The following MPZL1 variants were observed in gnomAD, a reference collection of about 807,000 sequenced individuals.
MPZL1 encodes the protein myelin protein zero like 1.
MPZL1 carries 16 observed loss-of-function variants against 29.3 expected under a neutral mutation model. The ratio of observed to expected loss-of-function variants is 0.55; its 90% CI spans 0.37 to 0.83. The LOEUF (loss-of-function observed/expected upper bound fraction) is 0.83, where lower values mean the gene tolerates loss of function less well. Among genes scored for constraint, MPZL1 ranks in the 40% least tolerant of loss-of-function variants. The pLI is 0.00. For synonymous variants in MPZL1, 143 were observed against 132.0 expected, an observed-to-expected ratio of 1.08 and a Z score of -0.57; for missense variants, 279 against 332.9, an observed-to-expected ratio of 0.84 and a Z score of 1.26.
intron 5 of MPZL1, among the ~76,000 whole-genome samples, chr1:167,779,911 G>A (rs992807821): frequency 6.6e-6 from 1 of 152,218 alleles, no homozygotes; most frequent in Non-Finnish European, 1.5e-5. Context: ...GGTAAATGCG[G>A]ATGGTAATAA....
intron 1 of MPZL1, among the ~76,000 whole-genome samples, chr1:167,723,096 C>G (rs1209347952): frequency 2.0e-5 from 3 of 152,230 alleles, no homozygotes; most frequent in Admixed American, 2.0e-4. Flanking sequence ...GTATCTGCCA[C>G]AGGACTTTTC....
intron 1 of MPZL1, among the ~76,000 whole-genome samples, chr1:167,756,427 AGAT>A (rs1309497648): frequency 8.0e-6 from 1 of 125,696 alleles, no homozygotes; most frequent in African/African-American, 3.0e-5. Context: ...TTGTCTGGCC[AGAT>A]TTTTTTTTTT....
intron 5 of MPZL1, among the ~76,000 whole-genome samples, chr1:167,780,431 A>T (rs765706852): frequency 3.3e-5 from 5 of 152,230 alleles, no homozygotes; most frequent in Non-Finnish European, 5.9e-5. Context: ...TCTTGAAGAG[A>T]TATTTGTACA....
intron 5 of MPZL1, among the ~76,000 whole-genome samples, chr1:167,783,185 G>A (rs1332742754): frequency 6.6e-6 from 1 of 152,154 alleles, no homozygotes; most frequent in East Asian, 1.9e-4. Flanking sequence ...GCAGAGGAAG[G>A]TAGGGTCATC....
intron 1 of MPZL1, among the ~76,000 whole-genome samples, chr1:167,736,286 C>T (rs1468879984): frequency 6.6e-6 from 1 of 152,170 alleles, no homozygotes; most frequent in Non-Finnish European, 1.5e-5. Context: ...CCATTTTTGT[C>T]TGTTTGTTGA....
At chr1:167,747,614 CT>C (rs1660672067) in intron 1 of MPZL1, among the ~76,000 whole-genome samples, 1 of 152,206 alleles carries the variant, frequency 6.6e-6, no homozygotes, top group African/African-American at 2.4e-5. Flanking sequence ...TCCTAGTCCC[CT>C]GTCCCTTTGC....
At chr1:167,760,303 C>T (rs1396453218) in intron 1 of MPZL1, among the ~76,000 whole-genome samples, 4 of 152,192 alleles carry the variant, frequency 2.6e-5, no homozygotes, top group Admixed American at 6.5e-5. Flanking sequence ...CCCGGGTTCA[C>T]GCCATTCTCC....
intron 5 of MPZL1, among the ~76,000 whole-genome samples, chr1:167,786,009 G>A (rs1023827509): frequency 6.6e-6 from 1 of 152,162 alleles, no homozygotes; most frequent in African/African-American, 2.4e-5. Context: ...TAGCAAGGAT[G>A]GTCTCGATCT....
chr1:167,777,838 G>C (rs1463469658), intron 5 of MPZL1, among the ~76,000 whole-genome samples: 1 of 152,056 alleles, frequency 6.6e-6, no homozygotes. Context: ...TACCTAAATG[G>C]GTTAAATTAG....
chr1:167,755,389 G>A (rs140872461), intron 1 of MPZL1, among the ~76,000 whole-genome samples: 1 of 152,096 alleles, frequency 6.6e-6, no homozygotes, highest in Admixed American at 6.5e-5. Flanking sequence ...TAAGTTTAAG[G>A]TACAGTGGTC....
chr1:167,728,877 A>G (rs71632321), intron 1 of MPZL1, among the ~76,000 whole-genome samples: 8,276 of 152,264 alleles, frequency 0.054, 286 homozygotes, highest in Middle Eastern at 0.089. Context: ...AACCAACTGA[A>G]CAGACCTTGA....
intron 2 of MPZL1, among the ~76,000 whole-genome samples, chr1:167,767,066 C>T (rs183869190): frequency 6.6e-6 from 1 of 152,322 alleles, no homozygotes; most frequent in East Asian, 1.9e-4. Flanking sequence ...TTTCTCAAAG[C>T]TTCCCACCCA....
intron 1 of MPZL1, among the ~76,000 whole-genome samples, chr1:167,723,879 A>G (rs548702249): frequency 2.0e-5 from 3 of 152,346 alleles, no homozygotes; most frequent in South Asian, 2.1e-4. Context: ...ATAAGAGTTT[A>G]TCTTTTACAG....
chr1:167,762,209 C>T (rs1661004112), intron 1 of MPZL1, among the ~76,000 whole-genome samples: 1 of 152,060 alleles, frequency 6.6e-6, no homozygotes, highest in African/African-American at 2.4e-5. Flanking sequence ...TAGTAGAGGC[C>T]AGGGGTGCTG....
chr1:167,741,085 C>T (rs978229916), intron 1 of MPZL1, among the ~76,000 whole-genome samples: 1 of 152,156 alleles, frequency 6.6e-6, no homozygotes, highest in Non-Finnish European at 1.5e-5. Context: ...AGTGTAATCA[C>T]GGCTTACTGC....
intron 1 of MPZL1, among the ~76,000 whole-genome samples, chr1:167,745,753 G>A (rs1332643977): frequency 1.3e-5 from 2 of 151,896 alleles, no homozygotes; most frequent in Non-Finnish European, 2.9e-5. Context: ...ACCAAATTTG[G>A]GTAAAATTCA....
rs191063461 is a variant in MPZL1 at position 167,784,455 on chromosome 1, T to A, written c.709-3365T>A. ...TTTTGTTGTTGTTTTCCTTCTTTAT[T>A]ATACCCAAAAGTGAATGTCTTAACA... On this transcript the variant is annotated intron_variant, in intron 5 of 5. Transcript: ENST00000359523. Among the ~76,000 whole-genome samples, 282 of 152,338 alleles carry A rather than the reference T, an allele frequency of 1.9e-3. 2 individuals are homozygous for A. Among genetic ancestry groups the A allele is most frequent in the South Asian group, 6.4e-3 (31 of 4,832 alleles).
chr1:167,748,124 A>G (rs1057265734), intron 1 of MPZL1, among the ~76,000 whole-genome samples: 1 of 152,208 alleles, frequency 6.6e-6, no homozygotes, highest in Non-Finnish European at 1.5e-5. Context: ...TTATCTGTTC[A>G]TAAGATGAGG....
rs537139048 is a variant in MPZL1, at chr1:167,722,038, AC to A, written c.-111del. 584 of 1,218,798 alleles carry A rather than the reference AC, an allele frequency of 4.8e-4. 3 individuals carry two copies. In the African/African-American group the frequency reaches 8.4e-3, roughly 18 times the overall value. The allele number at this position is 1,218,798 out of a possible 1,614,324, so 75.5% of individuals were successfully genotyped here. On this transcript the variant is annotated 5_prime_UTR_variant, in exon 1 of 6. Coordinates refer to ENST00000359523, the MANE Select transcript of MPZL1 (RefSeq NM_003953.6). ...GTGGGGAGCGCGGCGTGGAGGTGCC[AC>A]CCGGCGCGGGTGGCGGAGAGATCAG...
Sources: gnomAD v4.1 joint callset for allele counts (sites outside exome capture counted in the v4.1 genomes callset) on GRCh38, gnomAD v4.1.1 for gene constraint, MANE v1.5 for transcripts, NCBI Gene and HGNC (gene_info 2026-07-23, HGNC 2026-07-21) for gene names.